SMOC1: variants seen among roughly 807,000 people sequenced by gnomAD.
The protein encoded by SMOC1 is SPARC related modular calcium binding 1.
A neutral mutation model predicts 56.3 loss-of-function variants in SMOC1; 22 were observed. The observed-to-expected ratio is 0.39, with a 90% CI of 0.28 to 0.56. The LOEUF (loss-of-function observed/expected upper bound fraction) is 0.56. SMOC1 is among the 20% of genes least tolerant of loss of function. SMOC1 has a pLI of 0.61. For synonymous variants in SMOC1, 193 were observed against 215.0 expected (o/e 0.90, Z 0.89); for missense variants, 509 against 565.4 (o/e 0.90, Z 1.01).
intron 3 of SMOC1, among the ~76,000 whole-genome samples, chr14:69,957,108 G>A (rs76836858): frequency 6.2e-4 from 95 of 152,282 alleles, no homozygotes; most frequent in African/African-American, 2.3e-3. Context: ...TGGGTATCTG[G>A]AACACAACTC....
intron 5 of SMOC1, among the ~76,000 whole-genome samples, chr14:69,991,532 T>C (rs1884568240): frequency 6.6e-6 from 1 of 152,130 alleles, no homozygotes; most frequent in Admixed American, 6.5e-5. Context: ...TTTGGGGCCC[T>C]GATGAAAGAA....
At chr14:69,956,260 C>A (rs572264141) in intron 3 of SMOC1, among the ~76,000 whole-genome samples, 1 of 152,302 alleles carries the variant, frequency 6.6e-6, no homozygotes, top group Admixed American at 6.5e-5. Flanking sequence ...AGCCAGACGG[C>A]CAGACAGCGG....
chr14:69,958,941 A>G lies in SMOC1; in HGVS notation c.378+5409A>G, dbSNP rs932096780. On this transcript the variant is annotated intron_variant, in intron 3 of 11. Coordinates refer to ENST00000361956, the MANE Select transcript of SMOC1 (RefSeq NM_001034852.3). ...TAACCAGATAATTAAGATGATAAAT[A>G]TTTTCATTTTTTTCTAAATAGAAAA... Among the ~76,000 whole-genome samples, 9 of 152,302 alleles carry G rather than the reference A, an allele frequency of 5.9e-5. No individual in the cohort carries two copies. The South Asian group carries it at 1.9e-3, about 32-fold the overall frequency.
intron 11 of SMOC1, among the ~76,000 whole-genome samples, chr14:70,029,858 C>T (rs1886073705): frequency 6.6e-6 from 1 of 152,204 alleles, no homozygotes; most frequent in African/African-American, 2.4e-5. Flanking sequence ...GCCATCCCCA[C>T]CTGTAAACAA....
chr14:70,005,705 C>T (rs962150001), intron 7 of SMOC1, among the ~76,000 whole-genome samples: 8 of 152,140 alleles, frequency 5.3e-5, no homozygotes, highest in African/African-American at 1.7e-4. Flanking sequence ...TTGCCAAGTG[C>T]GGAATGACCT....
intron 3 of SMOC1, among the ~76,000 whole-genome samples, chr14:69,969,529 C>T (rs1037801): frequency 0.21 from 32,435 of 151,934 alleles, 4,401 homozygotes; most frequent in East Asian, 0.39. Flanking sequence ...CACCCGCTGT[C>T]GTGAAAACCA....
intron 10 of SMOC1, among the ~76,000 whole-genome samples, chr14:70,017,047 A>G (rs1351784769): frequency 6.6e-6 from 1 of 152,226 alleles, no homozygotes; most frequent in African/African-American, 2.4e-5. Context: ...CTGTATTCCC[A>G]GAGCTTAGAC....
At chr14:69,947,846 A>G (rs1391278168) in intron 1 of SMOC1, among the ~76,000 whole-genome samples, 1 of 152,252 alleles carries the variant, frequency 6.6e-6, no homozygotes, top group East Asian at 1.9e-4. Context: ...GACAGCACAG[A>G]TATAGAACAT....
At chr14:69,987,843 G>T (rs1479576719) in intron 5 of SMOC1, among the ~76,000 whole-genome samples, 1 of 152,176 alleles carries the variant, frequency 6.6e-6, no homozygotes, top group Non-Finnish European at 1.5e-5. Flanking sequence ...GCAAGGAATT[G>T]TGCTGTCACA....
chr14:70,006,879 A>C (rs901914981), intron 7 of SMOC1, among the ~76,000 whole-genome samples: 3 of 152,154 alleles, frequency 2.0e-5, no homozygotes, highest in African/African-American at 7.2e-5. Flanking sequence ...AGCTTCCACA[A>C]AAGTGAAAGC....
intron 1 of SMOC1, among the ~76,000 whole-genome samples, chr14:69,928,993 A>C (rs1014119403): frequency 2.6e-5 from 4 of 152,180 alleles, no homozygotes; most frequent in Admixed American, 6.5e-5. Context: ...TGTACACTGG[A>C]GTGAAACTCT....
At chr14:69,887,028 G>T (rs1883828010) in intron 1 of SMOC1, among the ~76,000 whole-genome samples, 1 of 152,118 alleles carries the variant, frequency 6.6e-6, no homozygotes, top group East Asian at 1.9e-4. Context: ...AGAAACTCAT[G>T]TCCTGTGCAA....
intron 1 of SMOC1, among the ~76,000 whole-genome samples, chr14:69,937,478 C>A (rs1885324867): frequency 6.6e-6 from 1 of 152,188 alleles, no homozygotes; most frequent in Non-Finnish European, 1.5e-5. Flanking sequence ...CCCGTTCCTG[C>A]CTGTAGAATT....
chr14:70,015,468 A>T (rs1885477686), intron 10 of SMOC1, among the ~76,000 whole-genome samples: 1 of 151,912 alleles, frequency 6.6e-6, no homozygotes, highest in Admixed American at 6.5e-5. Flanking sequence ...CAACAAAAAA[A>T]AAACGAAAGA....
At chr14:69,947,506 A>G (rs1320268088) in intron 1 of SMOC1, among the ~76,000 whole-genome samples, 1 of 152,182 alleles carries the variant, frequency 6.6e-6, no homozygotes, top group Non-Finnish European at 1.5e-5. Context: ...GAATGGCCTA[A>G]CATACTGTCT....
intron 2 of SMOC1, among the ~76,000 whole-genome samples, chr14:69,953,168 C>T (rs1290367439): frequency 2.0e-5 from 3 of 152,018 alleles, no homozygotes; most frequent in Non-Finnish European, 2.9e-5. Context: ...TCTATGGGGC[C>T]AGGGTAGAGG....
At chr14:69,943,402 T>C (rs918543790) in intron 1 of SMOC1, among the ~76,000 whole-genome samples, 4 of 151,958 alleles carry the variant, frequency 2.6e-5, no homozygotes, top group African/African-American at 7.3e-5. Context: ...CAGGGAAGGG[T>C]GAGAGCGAGC....
At chr14:69,919,917 C>G (rs574246967) in intron 1 of SMOC1, among the ~76,000 whole-genome samples, 1 of 150,320 alleles carries the variant, frequency 6.7e-6, no homozygotes, top group African/African-American at 2.4e-5. Flanking sequence ...AATACCCCCC[C>G]CCCCCTTTCT....
At chr14:70,019,289 C>T (rs562033327) in intron 10 of SMOC1, among the ~76,000 whole-genome samples, 2 of 152,330 alleles carry the variant, frequency 1.3e-5, no homozygotes, top group South Asian at 2.1e-4. Flanking sequence ...CGTTATTTGG[C>T]TTATGTTGTC....
Sources: allele counts gnomAD v4.1 joint callset (sites outside exome capture counted in the v4.1 genomes callset), GRCh38; gene constraint gnomAD v4.1.1; transcripts MANE v1.5; gene names NCBI Gene and HGNC (gene_info 2026-07-23, HGNC 2026-07-21).